FHIP1A: variants seen among roughly 807,000 people sequenced by gnomAD.
The protein encoded by FHIP1A is FHF complex subunit HOOK-interacting protein 1A.
In FHIP1A, 61 loss-of-function variants were observed where a neutral mutation model predicts 88.6. The observed-to-expected ratio is 0.69, with a 90% CI of 0.56 to 0.85. The LOEUF is 0.85. Among genes scored for constraint, FHIP1A ranks in the 40% least tolerant of loss-of-function variants. The probability of loss-of-function intolerance (pLI) is 0.00; values close to 1 mark genes in which losing one functional copy is unlikely to be tolerated. For missense variants in FHIP1A, 1,154 were observed against 1,273.5 expected (o/e 0.91, Z 1.43); for synonymous variants, 478 against 496.0 (o/e 0.96, Z 0.48).
At chr4:151,436,872 C>T (rs757597292) in intron 1 of FHIP1A, among the ~76,000 whole-genome samples, 2 of 152,080 alleles carry the variant, frequency 1.3e-5, no homozygotes, top group Non-Finnish European at 2.9e-5. Context: ...TATAAAATGA[C>T]ATAGTATTTG....
intron 3 of FHIP1A, among the ~76,000 whole-genome samples, chr4:151,539,441 C>T (rs1176991591): frequency 6.6e-6 from 1 of 151,544 alleles, no homozygotes; most frequent in Non-Finnish European, 1.5e-5. Flanking sequence ...GTGGGTGCCT[C>T]TAATCCCAGC....
intron 1 of FHIP1A, among the ~76,000 whole-genome samples, chr4:151,448,357 G>T (rs577225960): frequency 2.0e-5 from 3 of 152,296 alleles, no homozygotes; most frequent in African/African-American, 7.2e-5. Context: ...ATACAGTTCA[G>T]TCGCATAAAG....
chr4:151,528,863 G>A (rs963780811), intron 3 of FHIP1A, among the ~76,000 whole-genome samples: 1 of 152,122 alleles, frequency 6.6e-6, no homozygotes, highest in Non-Finnish European at 1.5e-5. Flanking sequence ...ACAAATTGTG[G>A]CAAAAGTATG....
At chr4:151,472,240 C>A (rs529819925) in intron 2 of FHIP1A, among the ~76,000 whole-genome samples, 2 of 152,202 alleles carry the variant, frequency 1.3e-5, no homozygotes, top group African/African-American at 4.8e-5. Context: ...AATAGCTTTG[C>A]CCTAATAACT....
At chr4:151,615,137 C>T (rs1192506296) in intron 7 of FHIP1A, among the ~76,000 whole-genome samples, 1 of 152,182 alleles carries the variant, frequency 6.6e-6, no homozygotes, top group African/African-American at 2.4e-5. Flanking sequence ...TGAACTCTTA[C>T]AATGGGAGAC....
chr4:151,446,996 TA>T (rs758938744), intron 1 of FHIP1A, among the ~76,000 whole-genome samples: 28 of 152,214 alleles, frequency 1.8e-4, no homozygotes, highest in Non-Finnish European at 3.8e-4. Context: ...TTGGCTTTAA[TA>T]AAATTATAAC....
At chr4:151,432,984 G>T (rs1733651502) in intron 1 of FHIP1A, among the ~76,000 whole-genome samples, 1 of 152,026 alleles carries the variant, frequency 6.6e-6, no homozygotes, top group Non-Finnish European at 1.5e-5. Flanking sequence ...GAAGGGAAGG[G>T]TATTGTATGG....
At chr4:151,650,673 G>A in intron 11 of FHIP1A, 81 bp downstream of exon 11, 1 of 1,454,760 alleles carries the variant, frequency 6.9e-7, no homozygotes, top group Non-Finnish European at 9.1e-7. Flanking sequence ...GGTAGGAAAA[G>A]GTAAGGGATA....
intron 1 of FHIP1A, among the ~76,000 whole-genome samples, chr4:151,444,411 C>A (rs2709825): frequency 0.52 from 78,999 of 151,768 alleles, 20,833 homozygotes; most frequent in African/African-American, 0.55. Context: ...TTTAAAGAAA[C>A]TTAATAAAAT....
intron 3 of FHIP1A, among the ~76,000 whole-genome samples, chr4:151,536,778 G>A (rs991375343): frequency 6.6e-6 from 1 of 152,124 alleles, no homozygotes; most frequent in African/African-American, 2.4e-5. Flanking sequence ...ATTTGTATAC[G>A]GGTTTTTGTG....
rs1021734320 is a variant in FHIP1A at position 151,670,260 on chromosome 4, T to A, written c.*7506T>A. The A allele has an allele frequency of 6.6e-6, 1 of 152,188 alleles. No homozygotes were observed. The highest frequency in any genetic ancestry group is 1.5e-5 in the Non-Finnish European group (1 of 68,036). The allele number at this position is 152,188 out of a possible 1,614,324, so 9.4% of individuals were successfully genotyped here. Reference sequence around the variant, plus strand: ...GCAGACAGCCCCGCCTTCATCGTGATGCCTGCAGCACACCACGATTATCAT... The same window carrying A: ...GCAGACAGCCCCGCCTTCATCGTGAAGCCTGCAGCACACCACGATTATCAT... On this transcript the variant is annotated 3_prime_UTR_variant, in exon 14 of 14. Transcript: ENST00000435205.
intron 1 of FHIP1A, among the ~76,000 whole-genome samples, chr4:151,445,870 A>ATATATATATATATATATATATG (rs1728581559): frequency 7.0e-6 from 1 of 142,428 alleles, no homozygotes; most frequent in Non-Finnish European, 1.5e-5. Flanking sequence ...ATATATATAT[A>ATATATATATATATATATATATG]TATTTCATAT....
At chr4:151,438,447 C>T (rs1171372592) in intron 1 of FHIP1A, among the ~76,000 whole-genome samples, 2 of 151,984 alleles carry the variant, frequency 1.3e-5, no homozygotes, top group East Asian at 3.9e-4. Flanking sequence ...TAATTCTTTT[C>T]ATTGTATTTC....
chr4:151,421,538 A>G (rs1180072228), intron 1 of FHIP1A, among the ~76,000 whole-genome samples: 1 of 152,214 alleles, frequency 6.6e-6, no homozygotes. Context: ...CTTTCCCCAC[A>G]TAAGAATGTA....
In FHIP1A at chr4:151,592,961, A is replaced by G. The variant is rs1734495838; in HGVS notation, c.978+4035A>G. Among the ~76,000 whole-genome samples, 6 of 152,318 alleles carry G rather than the reference A, an allele frequency of 3.9e-5. No homozygotes were observed. In the South Asian group the frequency reaches 1.2e-3, roughly 32 times the overall value. Reference sequence around the variant, plus strand: ...TGTATAAGGTGTAAGGAAGGGGTCCAGTTTCAGTTTTCTGCATATGGCTAG... The same window carrying G: ...TGTATAAGGTGTAAGGAAGGGGTCCGGTTTCAGTTTTCTGCATATGGCTAG... On this transcript the variant is annotated intron_variant, in intron 7 of 13. Coordinates refer to ENST00000435205, the MANE Select transcript of FHIP1A (RefSeq NM_001109977.3).
intron 7 of FHIP1A, among the ~76,000 whole-genome samples, chr4:151,610,274 G>A (rs1443259894): frequency 1.3e-5 from 2 of 152,148 alleles, no homozygotes; most frequent in African/African-American, 4.8e-5. Context: ...TACTGTTTTT[G>A]TTTTTATTGT....
In FHIP1A at chr4:151,417,765, C is replaced by T. The variant is rs114388039; in HGVS notation, c.-356+8300C>T. ...GTCTTGATTATTGCTTATTCTCTAA[C>T]ACTAAGTCACTATTTGATAAGTTGA... On this transcript the variant is annotated intron_variant, in intron 1 of 13. Transcript: ENST00000435205. 2.6e-3 allele frequency among the ~76,000 whole-genome samples: 402 copies of T among 152,324 alleles called. 2 individuals are homozygous for T. Among genetic ancestry groups the T allele is most frequent in the African/African-American group, 9.4e-3 (390 of 41,562 alleles).
chr4:151,666,778 C>T lies in FHIP1A; in HGVS notation c.*4024C>T, dbSNP rs1000882506. ...GTTGTGTTCAGGAGGGAAGCACAGC[C>T]GCAGCAGTCTGGACAAATCAAGTGC... On this transcript the variant is annotated 3_prime_UTR_variant, in exon 14 of 14. Coordinates refer to ENST00000435205, the MANE Select transcript of FHIP1A (RefSeq NM_001109977.3). 4.6e-5 allele frequency among the ~76,000 whole-genome samples: 7 copies of T among 152,068 alleles called. No homozygotes were observed. Among genetic ancestry groups the T allele is most frequent in the Admixed American group, 6.6e-5 (1 of 15,262 alleles).
chr4:151,418,921 CTCTAA>C (rs1733006091), intron 1 of FHIP1A, among the ~76,000 whole-genome samples: 1 of 152,082 alleles, frequency 6.6e-6, no homozygotes, highest in African/African-American at 2.4e-5. Context: ...GTTTTTCTTG[CTCTAA>C]TCTATTTTCA....
Sources: allele counts gnomAD v4.1 joint callset (sites outside exome capture counted in the v4.1 genomes callset), GRCh38; gene constraint gnomAD v4.1.1; transcripts MANE v1.5; gene names NCBI Gene and HGNC (gene_info 2026-07-23, HGNC 2026-07-21).